The following SLC4A7 variants were observed in gnomAD, a reference collection of about 807,000 sequenced individuals.
SLC4A7 encodes sodium bicarbonate cotransporter 3.
SLC4A7 carries 51 observed loss-of-function variants against 137.6 expected under a neutral mutation model. That is an observed-to-expected ratio of 0.37 (90% CI 0.30 to 0.47). SLC4A7 has a LOEUF of 0.47. Among genes scored for constraint, SLC4A7 ranks in the 20% least tolerant of loss-of-function variants. SLC4A7 has a pLI of 1.00. For synonymous variants in SLC4A7, 542 were observed against 518.6 expected (o/e 1.05, Z -0.61); for missense variants, 1,247 against 1,525.4 (o/e 0.82, Z 3.04).
chr3:27,391,479 C>A (rs1457965022), intron 21 of SLC4A7, among the ~76,000 whole-genome samples: 1 of 152,136 alleles, frequency 6.6e-6, no homozygotes, highest in East Asian at 1.9e-4. Context: ...CTATTCTAGT[C>A]TTTATTGAGT....
chr3:27,448,857 C>T (rs2057866266), intron 2 of SLC4A7, 60 bp from the exon 3 acceptor site: 2 of 1,246,150 alleles, frequency 1.6e-6, no homozygotes, highest in Non-Finnish European at 2.2e-6. Flanking sequence ...GTGATATATA[C>T]AAAAGTACTC....
At position 27,380,947 on chromosome 3, in the gene SLC4A7, C is replaced by A. The variant is rs145161093; in HGVS notation, c.3591-1591G>T. ...ATGAAGAAGGTATATATTTTTTTCC[C>A]TCAAAATGAAATTAGATAGGAAAAA... is the stretch of plus-strand genomic sequence containing the variant. On this transcript the variant is annotated intron_variant, in intron 24 of 25. Transcript: ENST00000454389. Among the ~76,000 whole-genome samples the A allele has an allele frequency of 2.4e-3, 360 of 152,128 alleles. 2 individuals are homozygous for A. The highest frequency in any genetic ancestry group is 8.4e-3 in the African/African-American group (350 of 41,516).
chr3:27,443,711 C>T lies in SLC4A7; in HGVS notation c.289+4940G>A, dbSNP rs188337409. 3.1e-3 allele frequency among the ~76,000 whole-genome samples: 471 copies of T among 152,328 alleles called. 3 individuals are homozygous for T. The highest frequency in any genetic ancestry group is 0.011 in the African/African-American group (457 of 41,580). The stretch of plus-strand genomic sequence containing the variant: ...ACAAATTTGAATGTTAGTCCTCACT[C>T]TGCACAGTACCATGCATGAATCCTG... On this transcript the variant is annotated intron_variant, in intron 3 of 25. Transcript: ENST00000454389.
chr3:27,479,412 T>C (rs1419488456), intron 1 of SLC4A7, among the ~76,000 whole-genome samples: 1 of 134,588 alleles, frequency 7.4e-6, no homozygotes, highest in Non-Finnish European at 1.6e-5. Context: ...GATGAGACCC[T>C]GCCTCAGCAA....
intron 3 of SLC4A7, among the ~76,000 whole-genome samples, chr3:27,439,149 A>G (rs1410763062): frequency 6.6e-6 from 1 of 152,226 alleles, no homozygotes; most frequent in Non-Finnish European, 1.5e-5. Context: ...GGATATTTAA[A>G]CAGGATAAAG....
chr3:27,414,662 C>T (rs1230666442), intron 11 of SLC4A7, among the ~76,000 whole-genome samples: 1 of 152,186 alleles, frequency 6.6e-6, no homozygotes, highest in African/African-American at 2.4e-5. Flanking sequence ...AACCCTTCTG[C>T]CAGATCAGCT....
rs2059848922 is a variant in SLC4A7 at position 27,484,277 on chromosome 3, G to A, written c.-151C>T. The A allele has an allele frequency of 4.1e-6, 2 of 490,974 alleles. No homozygotes were observed. Among genetic ancestry groups the A allele is most frequent in the Non-Finnish European group, 6.2e-6 (2 of 322,130 alleles). The allele number at this position is 490,974 out of a possible 1,614,324, so 30.4% of individuals were successfully genotyped here. ...CGCGAGGTGTGCGCGCGTGGGGAGA[G>A]CCGGGCGCCGGGCGCGGGAGACGCG... On this transcript the variant is annotated 5_prime_UTR_variant, in exon 1 of 26. Transcript: ENST00000454389.
At chr3:27,429,662 C>G (rs1162539944) in intron 7 of SLC4A7, among the ~76,000 whole-genome samples, 6 of 151,932 alleles carry the variant, frequency 3.9e-5, no homozygotes, top group Non-Finnish European at 7.4e-5. Context: ...CTAGCCTGGC[C>G]AACATGGTGA....
intron 1 of SLC4A7, among the ~76,000 whole-genome samples, chr3:27,479,868 T>C (rs986322568): frequency 1.3e-5 from 2 of 152,250 alleles, no homozygotes; most frequent in African/African-American, 2.4e-5. Flanking sequence ...TGGAAATATC[T>C]GTAAGCGCCT....
intron 3 of SLC4A7, among the ~76,000 whole-genome samples, chr3:27,442,759 C>T (rs1023580764): frequency 3.9e-5 from 6 of 151,980 alleles, no homozygotes; most frequent in South Asian, 2.1e-4. Flanking sequence ...TGAGGGGTTA[C>T]GAATTTATTG....
At chr3:27,448,541 A>T (rs1355908559) in intron 3 of SLC4A7, 110 bp downstream of exon 3, 1 of 811,134 alleles carries the variant, frequency 1.2e-6, no homozygotes, top group African/African-American at 1.7e-5. Context: ...ATACAATGTG[A>T]CTACATTAAT....
At chr3:27,476,250 T>G (rs566579849) in intron 1 of SLC4A7, among the ~76,000 whole-genome samples, 1 of 152,330 alleles carries the variant, frequency 6.6e-6, no homozygotes, top group South Asian at 2.1e-4. Flanking sequence ...AATATTCACT[T>G]GCCTAAAATT....
intron 13 of SLC4A7, among the ~76,000 whole-genome samples, chr3:27,405,603 T>C (rs759767586): frequency 6.6e-6 from 1 of 152,214 alleles, no homozygotes; most frequent in Non-Finnish European, 1.5e-5. Context: ...AAAGAACTGC[T>C]ATAAAAAGAT....
intron 1 of SLC4A7, among the ~76,000 whole-genome samples, chr3:27,467,468 C>A (rs1021498): frequency 6.6e-6 from 1 of 152,084 alleles, no homozygotes; most frequent in East Asian, 1.9e-4. Context: ...CAATAAGCAG[C>A]ACAAATGTCA....
intron 1 of SLC4A7, among the ~76,000 whole-genome samples, chr3:27,463,692 C>CG (rs888553110): frequency 3.8e-4 from 58 of 152,180 alleles, no homozygotes; most frequent in African/African-American, 1.3e-3. Flanking sequence ...CGCCATTTGC[C>CG]GGGGGGAAGA....
At chr3:27,428,221 A>T (rs557144367) in intron 7 of SLC4A7, 1 of 154,476 alleles carries the variant, frequency 6.5e-6, no homozygotes, top group South Asian at 2.0e-4. Context: ...ACGAACTGAT[A>T]AAGTTCACAA....
chr3:27,422,817 A>AGGTTTT (rs1559725340), intron 8 of SLC4A7: 1 of 456,276 alleles, frequency 2.2e-6, no homozygotes, highest in South Asian at 1.5e-5. Flanking sequence ...GTGTGCCACA[A>AGGTTTT]CTACAGTGCC....
At chr3:27,458,362 C>T (rs1416018283) in intron 1 of SLC4A7, among the ~76,000 whole-genome samples, 1 of 152,082 alleles carries the variant, frequency 6.6e-6, no homozygotes, top group African/African-American at 2.4e-5. Context: ...ATGACGTGCA[C>T]TAAATAAGTA....
rs1398721297 is a variant in SLC4A7, at chr3:27,375,632, C to T, written c.*1132G>A. The T allele has an allele frequency of 6.6e-6, 1 of 152,248 alleles. No individual in the cohort carries two copies. The highest frequency in any genetic ancestry group is 2.4e-5 in the African/African-American group (1 of 41,392). The allele number at this position is 152,248 out of a possible 1,614,324, so 9.4% of individuals were successfully genotyped here. On this transcript the variant is annotated 3_prime_UTR_variant, in exon 26 of 26. Coordinates refer to ENST00000454389, the MANE Select transcript of SLC4A7 (RefSeq NM_001321103.2). ...GATAATAAACATAAATGAAAGTAAG[C>T]ACCAACTATTTACATTAACAATTTA...
Sources: allele counts gnomAD v4.1 joint callset (sites outside exome capture counted in the v4.1 genomes callset), GRCh38; gene constraint gnomAD v4.1.1; transcripts MANE v1.5; gene names NCBI Gene and HGNC (gene_info 2026-07-23, HGNC 2026-07-21).